Variants in AGBL1 observed in about 807,000 individuals in gnomAD.
AGBL1 encodes the protein cytosolic carboxypeptidase 4.
In AGBL1, 130 loss-of-function variants were observed where a neutral mutation model predicts 118.9. The observed-to-expected ratio is 1.09, with a 90% CI of 0.95 to 1.26. The LOEUF (loss-of-function observed/expected upper bound fraction) is 1.26. Ranked by LOEUF, AGBL1 falls within the 50% of genes most tolerant of loss-of-function variation. The pLI is 0.00. For missense variants in AGBL1, 1,584 were observed against 1,298.1 expected (o/e 1.22, Z -3.38); for synonymous variants, 555 against 478.9 (o/e 1.16, Z -2.08).
intron 21 of AGBL1, among the ~76,000 whole-genome samples, chr15:86,577,278 C>G (rs1411235773): frequency 6.6e-6 from 1 of 152,124 alleles, no homozygotes; most frequent in Admixed American, 6.5e-5. Flanking sequence ...AGACTGGTGG[C>G]ATTTTTCCCC....
At chr15:86,884,916 G>T (rs1324507028) in intron 22 of AGBL1, among the ~76,000 whole-genome samples, 1 of 152,158 alleles carries the variant, frequency 6.6e-6, no homozygotes, top group Non-Finnish European at 1.5e-5. Context: ...CGGAAGATGT[G>T]CTTTACTGTG....
chr15:86,110,073 G>A (rs1470564456), intron 1 of AGBL1, among the ~76,000 whole-genome samples: 5 of 152,200 alleles, frequency 3.3e-5, no homozygotes, highest in Non-Finnish European at 5.9e-5. Context: ...ACATGACTGG[G>A]ACCCCGTCAG....
chr15:86,522,861 C>T lies in AGBL1; in HGVS notation c.2607C>T (p.Pro869=). ...ATTTGAACAGACAATGGCTTTCTCC[C>T]AGTGCTCATCTGCAGCCAACCATTT... ...GEDLNRQWLS[P]SAHLQPTIYH... The change falls in exon 19 of 23, where the codon CCC becomes CCT. Residue 869 remains proline, a synonymous_variant. Transcript: ENST00000614907. 1 of 1,613,886 alleles carries T rather than the reference C, an allele frequency of 6.2e-7. No homozygotes were observed. Among genetic ancestry groups the T allele is most frequent in the Non-Finnish European group, 8.5e-7 (1 of 1,179,774 alleles).
chr15:86,767,495 T>C (rs1177580127), intron 22 of AGBL1, among the ~76,000 whole-genome samples: 2 of 151,924 alleles, frequency 1.3e-5, no homozygotes, highest in Non-Finnish European at 2.9e-5. Flanking sequence ...ACCCAAAGGA[T>C]GGATTTAGTT....
chr15:86,194,174 A>G (rs1035567957), intron 5 of AGBL1, among the ~76,000 whole-genome samples: 1 of 152,228 alleles, frequency 6.6e-6, no homozygotes, highest in African/African-American at 2.4e-5. Context: ...GTACATCTGC[A>G]CTTTCTCAGC....
intron 22 of AGBL1, among the ~76,000 whole-genome samples, chr15:86,796,603 C>T (rs1366632312): frequency 6.6e-6 from 1 of 152,202 alleles, no homozygotes; most frequent in Non-Finnish European, 1.5e-5. Flanking sequence ...GAAGCTCATG[C>T]ACTCTGAAAT....
In AGBL1 at chr15:86,264,176, C is replaced by T. The variant is rs544239704; in HGVS notation, c.1087-82C>T. ...CAGGATTTATGCTTAGCTCTGTGCC[C>T]AGAGAGTAAGGACAGGGATCAAATT... On this transcript the variant is annotated intron_variant, in intron 10 of 22. Transcript: ENST00000614907. 1.4e-5 allele frequency: 17 copies of T among 1,185,870 alleles called. No homozygotes were observed. In the African/African-American group the frequency reaches 2.0e-4, roughly 14 times the overall value. The allele number at this position is 1,185,870 out of a possible 1,614,324, so 73.5% of individuals were successfully genotyped here.
At chr15:86,211,932 G>T (rs1022476147) in intron 5 of AGBL1, among the ~76,000 whole-genome samples, 1 of 152,104 alleles carries the variant, frequency 6.6e-6, no homozygotes, top group African/African-American at 2.4e-5. Context: ...GTTCACGCTG[G>T]GAACTGCAGA....
chr15:86,489,800 GACATTC>G (rs1355177687), intron 18 of AGBL1, among the ~76,000 whole-genome samples: 2 of 152,092 alleles, frequency 1.3e-5, no homozygotes, highest in African/African-American at 2.4e-5. Context: ...ATGATTAAGA[GACATTC>G]GTTCAGCAGG....
chr15:86,128,724 A>T (rs1016692942), intron 1 of AGBL1, among the ~76,000 whole-genome samples: 2 of 152,146 alleles, frequency 1.3e-5, no homozygotes, highest in Non-Finnish European at 2.9e-5. Context: ...TCTTTGGCCA[A>T]ATGAACTCAT....
chr15:86,882,363 C>A (rs2079906367), intron 22 of AGBL1, among the ~76,000 whole-genome samples: 3 of 152,288 alleles, frequency 2.0e-5, no homozygotes, highest in African/African-American at 7.2e-5. Flanking sequence ...AATAAAACAT[C>A]TCTATGTACA....
At chr15:86,955,280 T>C (rs777988547) in intron 23 of AGBL1, among the ~76,000 whole-genome samples, 1 of 152,088 alleles carries the variant, frequency 6.6e-6, no homozygotes, top group Non-Finnish European at 1.5e-5. Context: ...TAAGCACAAT[T>C]AGCACATACT....
intron 23 of AGBL1, among the ~76,000 whole-genome samples, chr15:86,949,464 A>G (rs916237531): frequency 6.6e-6 from 1 of 152,126 alleles, no homozygotes; most frequent in Non-Finnish European, 1.5e-5. Context: ...AACTAGATGA[A>G]AAAAATCAAA....
chr15:86,387,017 A>C (rs1450954189), intron 17 of AGBL1, among the ~76,000 whole-genome samples: 1 of 152,178 alleles, frequency 6.6e-6, no homozygotes, highest in Non-Finnish European at 1.5e-5. Context: ...ATATTTTCTG[A>C]ATAATTCCCG....
intron 24 of AGBL1, among the ~76,000 whole-genome samples, chr15:87,013,533 G>GTT (rs59336861): frequency 2.7e-5 from 4 of 149,940 alleles, no homozygotes; most frequent in Admixed American, 6.7e-5. Flanking sequence ...TTTTTGAATA[G>GTT]TTTTTTTTTT....
At chr15:86,754,928 G>A (rs1208617454) in intron 22 of AGBL1, among the ~76,000 whole-genome samples, 5 of 151,846 alleles carry the variant, frequency 3.3e-5, no homozygotes, top group East Asian at 3.9e-4. Flanking sequence ...CTTTGCTTTC[G>A]ATTTCATTTT....
At chr15:86,449,097 T>C (rs2082161998) in intron 18 of AGBL1, among the ~76,000 whole-genome samples, 2 of 151,372 alleles carry the variant, frequency 1.3e-5, no homozygotes, top group African/African-American at 4.8e-5. Context: ...AATATGAGGA[T>C]CAATGCCAAA....
At chr15:86,583,153 A>T (rs1004838095) in intron 21 of AGBL1, among the ~76,000 whole-genome samples, 6 of 148,328 alleles carry the variant, frequency 4.0e-5, no homozygotes, top group Admixed American at 1.4e-4. Context: ...ATTGGAATTT[A>T]AAAAAAAAAA....
chr15:86,354,351 A>C (rs1360694116), intron 17 of AGBL1, among the ~76,000 whole-genome samples: 1 of 152,252 alleles, frequency 6.6e-6, no homozygotes, highest in Non-Finnish European at 1.5e-5. Flanking sequence ...TGAAAATCAA[A>C]GACAAGTCTT....
Sources: allele counts gnomAD v4.1 joint callset (sites outside exome capture counted in the v4.1 genomes callset), GRCh38; gene constraint gnomAD v4.1.1; transcripts MANE v1.5; gene names NCBI Gene and HGNC (gene_info 2026-07-23, HGNC 2026-07-21).